RAB27B: variants seen among roughly 807,000 people sequenced by gnomAD.
The protein encoded by RAB27B is RAB27B, member RAS oncogene family.
A neutral mutation model predicts 24.6 loss-of-function variants in RAB27B; 15 were observed. The observed-to-expected ratio is 0.61, with a 90% confidence interval of 0.41 to 0.94. The LOEUF (loss-of-function observed/expected upper bound fraction) is 0.94. Among genes scored for constraint, RAB27B ranks in the 40% least tolerant of loss-of-function variants. The pLI, the probability that RAB27B is intolerant of heterozygous loss-of-function variation, is 0.00. For synonymous variants in RAB27B, 105 were observed against 92.5 expected, an observed-to-expected ratio of 1.14 and a Z score of -0.78; for missense variants, 261 against 266.8, an observed-to-expected ratio of 0.98 and a Z score of 0.15.
At chr18:54,873,692 T>C (rs977368058) in intron 1 of RAB27B, among the ~76,000 whole-genome samples, 3 of 73,126 alleles carry the variant, frequency 4.1e-5, no homozygotes, top group African/African-American at 1.6e-4. Flanking sequence ...ATCCTGTGTG[T>C]GTGTGTGTGT....
At chr18:54,833,222 T>TTTC (rs1555661144) in intron 1 of RAB27B, among the ~76,000 whole-genome samples, 1 of 104,378 alleles carries the variant, frequency 9.6e-6, no homozygotes, top group Non-Finnish European at 2.1e-5. Flanking sequence ...TCTTTTCTTT[T>TTTC]TTTCTTTCTT....
chr18:54,742,749 T>A (rs1910106265), intron 2 of RAB27B, among the ~76,000 whole-genome samples: 1 of 152,202 alleles, frequency 6.6e-6, no homozygotes, highest in Non-Finnish European at 1.5e-5. Flanking sequence ...ACAAGGAGGA[T>A]GCTGCCCACT....
chr18:54,846,198 T>A (rs1911329850), intron 1 of RAB27B, among the ~76,000 whole-genome samples: 1 of 152,182 alleles, frequency 6.6e-6, no homozygotes, highest in South Asian at 2.1e-4. Context: ...CGTTCAGGCA[T>A]GAGTTATAGT....
intron 2 of RAB27B, among the ~76,000 whole-genome samples, chr18:54,728,822 A>G (rs1256991580): frequency 3.7e-5 from 5 of 136,352 alleles, no homozygotes; most frequent in African/African-American, 8.1e-5. Context: ...GTTGCTGTGA[A>G]CCAAGATCAC....
intron 1 of RAB27B, among the ~76,000 whole-genome samples, chr18:54,849,150 C>T (rs1911453796): frequency 6.6e-6 from 1 of 152,098 alleles, no homozygotes; most frequent in Non-Finnish European, 1.5e-5. Flanking sequence ...GAATTCAGGG[C>T]CTGCCTGAAC....
intron 2 of RAB27B, among the ~76,000 whole-genome samples, chr18:54,787,100 T>C (rs776284029): frequency 7.9e-5 from 12 of 152,358 alleles, no homozygotes; most frequent in Non-Finnish European, 1.6e-4. Flanking sequence ...GACGGAGTGA[T>C]AGATATCACC....
intron 1 of RAB27B, among the ~76,000 whole-genome samples, chr18:54,838,423 A>G (rs528396513): frequency 6.6e-6 from 1 of 152,192 alleles, no homozygotes; most frequent in South Asian, 2.1e-4. Flanking sequence ...AGTTTGGGGA[A>G]TATTCTATTA....
At chr18:54,804,869 T>TTC (rs373690285) in intron 2 of RAB27B, among the ~76,000 whole-genome samples, 103,835 of 130,726 alleles carry the variant, frequency 0.79, 39,246 homozygotes, top group Middle Eastern at 0.87. Flanking sequence ...TCCTTTCTTT[T>TTC]TTTCTTTTTT....
chr18:54,722,159 A>G (rs1909379393), intron 2 of RAB27B, among the ~76,000 whole-genome samples: 1 of 152,208 alleles, frequency 6.6e-6, no homozygotes, highest in South Asian at 2.1e-4. Flanking sequence ...TACTTCATCC[A>G]ACAAACAAGT....
chr18:54,835,926 G>T (rs1272487940), intron 1 of RAB27B, among the ~76,000 whole-genome samples: 1 of 152,026 alleles, frequency 6.6e-6, no homozygotes, highest in Non-Finnish European at 1.5e-5. Context: ...GTACTCATTA[G>T]TATTGTTTCT....
At chr18:54,772,430 A>G (rs147577615) in intron 2 of RAB27B, among the ~76,000 whole-genome samples, 158 of 152,270 alleles carry the variant, frequency 1.0e-3, no homozygotes, top group African/African-American at 3.7e-3. Flanking sequence ...GAGAAAAGAG[A>G]ATGTTGTGGT....
At chr18:54,871,849 CAAAAAAAAAA>C (rs11388519) in intron 1 of RAB27B, among the ~76,000 whole-genome samples, 3 of 85,982 alleles carry the variant, frequency 3.5e-5, no homozygotes, top group African/African-American at 1.2e-4. Context: ...GACTCCATCT[CAAAAAAAAAA>C]AAAAAAAAAA....
chr18:54,760,499 T>G (rs921697162), intron 2 of RAB27B, among the ~76,000 whole-genome samples: 2 of 152,194 alleles, frequency 1.3e-5, no homozygotes, highest in Non-Finnish European at 2.9e-5. Flanking sequence ...TTTAAAGTTT[T>G]GAAAATATCA....
At chr18:54,867,446 T>C (rs1299124219) in intron 1 of RAB27B, among the ~76,000 whole-genome samples, 17 of 88,364 alleles carry the variant, frequency 1.9e-4, no homozygotes, top group African/African-American at 6.1e-4. Flanking sequence ...TCTTTTCTTT[T>C]TTTTTTTTTT....
At chr18:54,882,632 A>G (rs927294060) in intron 3 of RAB27B, among the ~76,000 whole-genome samples, 18 of 152,312 alleles carry the variant, frequency 1.2e-4, no homozygotes, top group African/African-American at 4.1e-4. Context: ...GGGTAGGAAG[A>G]AAAGGAAGCA....
chr18:54,752,416 G>A (rs73959278), intron 2 of RAB27B, among the ~76,000 whole-genome samples: 9,462 of 152,178 alleles, frequency 0.062, 374 homozygotes, highest in Admixed American at 0.087. Context: ...AGTCCCCCAG[G>A]TGATTCTCAT....
chr18:54,851,997 C>G (rs1330768131), intron 1 of RAB27B, among the ~76,000 whole-genome samples: 4 of 152,178 alleles, frequency 2.6e-5, no homozygotes, highest in Non-Finnish European at 1.5e-5. Flanking sequence ...CTTTTCTTCA[C>G]AGGACTTGAG....
intron 2 of RAB27B, among the ~76,000 whole-genome samples, chr18:54,878,004 T>C (rs1912776499): frequency 1.3e-5 from 2 of 152,210 alleles, no homozygotes; most frequent in Admixed American, 6.5e-5. Context: ...TAGTGTGTTT[T>C]CTACAAATTC....
At chr18:54,744,561 T>A (rs1230828074) in intron 2 of RAB27B, among the ~76,000 whole-genome samples, 2 of 152,220 alleles carry the variant, frequency 1.3e-5, no homozygotes, top group Non-Finnish European at 1.5e-5. Flanking sequence ...ATGGATATGA[T>A]AATTATTCTT....
Sources: allele counts gnomAD v4.1 joint callset (sites outside exome capture counted in the v4.1 genomes callset), GRCh38; gene constraint gnomAD v4.1.1; transcripts MANE v1.5; gene names NCBI Gene and HGNC (gene_info 2026-07-23, HGNC 2026-07-21).